The following CADPS2 variants were observed in gnomAD, a reference collection of about 807,000 sequenced individuals.
CADPS2 encodes calcium dependent secretion activator 2.
A neutral mutation model predicts 172.5 loss-of-function variants in CADPS2; 93 were observed. The ratio of observed to expected loss-of-function variants is 0.54; its 90% confidence interval spans 0.46 to 0.64. The LOEUF is 0.64. Among genes scored for constraint, CADPS2 ranks in the 30% least tolerant of loss-of-function variants. The pLI, the probability that CADPS2 is intolerant of heterozygous loss-of-function variation, is 0.00. For synonymous variants in CADPS2, 546 were observed against 555.2 expected, an observed-to-expected ratio of 0.98 and a Z score of 0.23; for missense variants, 1,420 against 1,565.9, an observed-to-expected ratio of 0.91 and a Z score of 1.57.
intron 12 of CADPS2, among the ~76,000 whole-genome samples, chr7:122,476,174 AT>A (rs1473567387): frequency 6.6e-6 from 1 of 152,070 alleles, no homozygotes; most frequent in African/African-American, 2.4e-5. Context: ...CAGCAAAAAA[AT>A]CTTTTAGTAT....
chr7:122,652,994 A>C (rs2079338517), intron 3 of CADPS2, among the ~76,000 whole-genome samples: 1 of 152,154 alleles, frequency 6.6e-6, no homozygotes, highest in South Asian at 2.1e-4. Flanking sequence ...TTTTCAGAAG[A>C]GAGTTTCCTG....
At chr7:122,759,248 A>T (rs1457323596) in intron 1 of CADPS2, among the ~76,000 whole-genome samples, 2 of 152,142 alleles carry the variant, frequency 1.3e-5, no homozygotes, top group East Asian at 3.9e-4. Flanking sequence ...GGATCCAGGG[A>T]TGTAATGAAA....
intron 1 of CADPS2, among the ~76,000 whole-genome samples, chr7:122,871,212 C>T (rs1051967111): frequency 1.3e-5 from 2 of 151,698 alleles, no homozygotes; most frequent in African/African-American, 4.8e-5. Context: ...ACCCTGGTTT[C>T]ATCCCACTTT....
chr7:122,587,305 C>T (rs781779441), intron 6 of CADPS2, among the ~76,000 whole-genome samples: 8 of 152,018 alleles, frequency 5.3e-5, no homozygotes, highest in Non-Finnish European at 8.8e-5. Flanking sequence ...GTGTTGTTCC[C>T]CTCCCTACGT....
At chr7:122,618,713 T>C (rs941071415) in intron 5 of CADPS2, among the ~76,000 whole-genome samples, 1 of 152,224 alleles carries the variant, frequency 6.6e-6, no homozygotes, top group Non-Finnish European at 1.5e-5. Context: ...ATATGGGGTC[T>C]GAGGAGCAAG....
chr7:122,877,096 G>A (rs981112925), intron 1 of CADPS2, among the ~76,000 whole-genome samples: 7 of 151,916 alleles, frequency 4.6e-5, no homozygotes, highest in Admixed American at 6.6e-5. Context: ...GAAATTACCC[G>A]AGAAATGCAA....
Position 122,547,237 on chromosome 7 carries a change from G to A in CADPS2, c.1475+7313C>T, listed in dbSNP as rs528715808. ...GATGGTCTAAGAATAAATGTTGACAGGCAACAAGCCTCCCTGCAGACAGTA... is the reference window on the plus strand; with the variant it reads ...GATGGTCTAAGAATAAATGTTGACAAGCAACAAGCCTCCCTGCAGACAGTA... On this transcript the variant is annotated intron_variant, in intron 8 of 29. Transcript: ENST00000449022. 5.3e-5 allele frequency among the ~76,000 whole-genome samples: 8 copies of A among 152,206 alleles called. No homozygotes were observed. In the South Asian group the frequency reaches 1.7e-3, roughly 32 times the overall value.
chr7:122,573,965 T>A (rs2067612947), intron 7 of CADPS2, among the ~76,000 whole-genome samples: 1 of 151,976 alleles, frequency 6.6e-6, no homozygotes, highest in African/African-American at 2.4e-5. Context: ...TTGAACAGAG[T>A]ATTCAGACAT....
intron 9 of CADPS2, among the ~76,000 whole-genome samples, chr7:122,494,466 C>T (rs1459762982): frequency 1.3e-5 from 2 of 151,432 alleles, no homozygotes; most frequent in South Asian, 2.1e-4. Flanking sequence ...AACATGGGAA[C>T]CTAAGATATA....
intron 1 of CADPS2, among the ~76,000 whole-genome samples, chr7:122,882,616 C>A: frequency 8.1e-6 from 1 of 123,292 alleles, no homozygotes; most frequent in Non-Finnish European, 1.6e-5. Flanking sequence ...ACCAAGGAAC[C>A]CTTTTTTTTT....
chr7:122,330,918 A>T (rs1178125903), intron 28 of CADPS2: 1 of 152,172 alleles, frequency 6.6e-6, no homozygotes, highest in African/African-American at 2.4e-5. Context: ...CATCTGTAAT[A>T]TGTGGGGTAG....
intron 5 of CADPS2, among the ~76,000 whole-genome samples, chr7:122,619,731 C>T (rs1004724065): frequency 7.9e-5 from 12 of 152,032 alleles, no homozygotes; most frequent in South Asian, 4.1e-4. Context: ...AAAAAGTTGA[C>T]GTTTTGTATT....
intron 2 of CADPS2, among the ~76,000 whole-genome samples, chr7:122,682,151 C>T (rs2083122480): frequency 6.6e-6 from 1 of 152,170 alleles, no homozygotes; most frequent in Non-Finnish European, 1.5e-5. Flanking sequence ...TTTACCAAGC[C>T]TCTTGTATAA....
At chr7:122,646,924 T>A (rs1563955686) in intron 3 of CADPS2, among the ~76,000 whole-genome samples, 3 of 152,048 alleles carry the variant, frequency 2.0e-5, no homozygotes, top group Admixed American at 6.6e-5. Context: ...AATGTAGTAT[T>A]ATAGAGGAAA....
At chr7:122,850,175 A>C in intron 1 of CADPS2, 1 of 1,113,254 alleles carries the variant, frequency 9.0e-7, no homozygotes, top group Admixed American at 2.9e-5. Context: ...CCACACAACT[A>C]AGCCCATGCT....
At chr7:122,513,665 G>C (rs764360785) in intron 8 of CADPS2, among the ~76,000 whole-genome samples, 17 of 152,184 alleles carry the variant, frequency 1.1e-4, no homozygotes, top group Non-Finnish European at 1.9e-4. Context: ...GGTTATCAAT[G>C]CTTCAGTTCT....
chr7:122,736,876 A>T, intron 2 of CADPS2, 79 bp downstream of exon 2: 1 of 740,022 alleles, frequency 1.4e-6, no homozygotes, highest in Non-Finnish European at 2.3e-6. Flanking sequence ...AAGCTTCTTT[A>T]AAATGAGAAA....
At chr7:122,325,725 T>A (rs926225278) in intron 28 of CADPS2, 144 bp from the exon 29 acceptor site, 1 of 589,380 alleles carries the variant, frequency 1.7e-6, no homozygotes, top group African/African-American at 1.9e-5. Flanking sequence ...AATAATGCTA[T>A]AATTTCCTGT....
intron 1 of CADPS2, among the ~76,000 whole-genome samples, chr7:122,798,464 T>C (rs1045587228): frequency 2.6e-5 from 4 of 152,354 alleles, no homozygotes; most frequent in Non-Finnish European, 4.4e-5. Context: ...CATTTGTTTA[T>C]AGCCTCTGCA....
Sources: allele counts gnomAD v4.1 joint callset (sites outside exome capture counted in the v4.1 genomes callset), GRCh38; gene constraint gnomAD v4.1.1; transcripts MANE v1.5; gene names NCBI Gene and HGNC (gene_info 2026-07-23, HGNC 2026-07-21).